The following TNNI3K variants were observed in gnomAD, a reference collection of about 807,000 sequenced individuals.
The protein encoded by TNNI3K is serine/threonine-protein kinase TNNI3K.
In TNNI3K, 140 loss-of-function variants were observed where a neutral mutation model predicts 114.5. That is an observed-to-expected ratio of 1.22 (90% CI 1.07 to 1.41). TNNI3K has a LOEUF of 1.41. Ranked by LOEUF, TNNI3K falls within the 40% of genes most tolerant of loss-of-function variation. The pLI, the probability that TNNI3K is intolerant of heterozygous loss-of-function variation, is 0.00. For missense variants in TNNI3K, 1,125 were observed against 1,007.6 expected, an observed-to-expected ratio of 1.12 and a Z score of -1.58; for synonymous variants, 347 against 347.5, an observed-to-expected ratio of 1.00 and a Z score of 0.02.
At chr1:74,474,746 T>TGTGGGACAATGAATTAA (rs1553150506) in intron 21 of TNNI3K, among the ~76,000 whole-genome samples, 1 of 152,110 alleles carries the variant, frequency 6.6e-6, no homozygotes, top group East Asian at 1.9e-4. Flanking sequence ...TGGCTCCCAG[T>TGTGGGACAATGAATTAA]GTGGGACAAT....
At chr1:74,436,250 C>A in intron 18 of TNNI3K, 118 bp downstream of exon 18, 2 of 1,320,474 alleles carry the variant, frequency 1.5e-6, no homozygotes, top group Non-Finnish European at 1.1e-6. Context: ...ACACTGAACA[C>A]TGACAGCTAT....
At chr1:74,329,478 C>T (rs968901115) in intron 5 of TNNI3K, among the ~76,000 whole-genome samples, 2 of 151,988 alleles carry the variant, frequency 1.3e-5, no homozygotes, top group African/African-American at 4.8e-5. Context: ...TATATTTGGA[C>T]CCATCAGAAA....
At chr1:74,477,904 T>C (rs916437441) in intron 21 of TNNI3K, among the ~76,000 whole-genome samples, 2 of 152,240 alleles carry the variant, frequency 1.3e-5, no homozygotes, top group African/African-American at 4.8e-5. Context: ...TAAGTTCTTA[T>C]TGAAACATTA....
chr1:74,498,820 A>C (rs2100332006), intron 23 of TNNI3K, among the ~76,000 whole-genome samples: 1 of 152,302 alleles, frequency 6.6e-6, no homozygotes, highest in East Asian at 1.9e-4. Context: ...TGAGGAGAAA[A>C]GTGACTACCA....
At chr1:74,467,771 T>G (rs1667740503) in intron 21 of TNNI3K, among the ~76,000 whole-genome samples, 1 of 152,140 alleles carries the variant, frequency 6.6e-6, no homozygotes, top group African/African-American at 2.4e-5. Flanking sequence ...GTATTCCAGA[T>G]TACCCTGGAA....
intron 21 of TNNI3K, chr1:74,480,983 G>T (rs1008182284): frequency 2.9e-6 from 2 of 697,542 alleles, no homozygotes; most frequent in African/African-American, 1.8e-5. Context: ...GGGGAAAAAA[G>T]CACAGACTAG....
intron 23 of TNNI3K, among the ~76,000 whole-genome samples, chr1:74,533,086 G>T (rs1370315039): frequency 6.6e-6 from 1 of 152,162 alleles, no homozygotes; most frequent in East Asian, 1.9e-4. Flanking sequence ...AAACTAAAGA[G>T]CTTCTGCACA....
chr1:74,262,064 T>A (rs1259532642), intron 4 of TNNI3K, among the ~76,000 whole-genome samples: 2 of 152,110 alleles, frequency 1.3e-5, no homozygotes, highest in African/African-American at 4.8e-5. Flanking sequence ...CCTGACTTTT[T>A]TTTTCCTCCT....
At chr1:74,397,458 C>G (rs1664142685) in intron 17 of TNNI3K, among the ~76,000 whole-genome samples, 1 of 152,138 alleles carries the variant, frequency 6.6e-6, no homozygotes, top group African/African-American at 2.4e-5. Context: ...TGGTAGTGAG[C>G]ACCCTACGTT....
chr1:74,474,706 C>T (rs565786515), intron 21 of TNNI3K, among the ~76,000 whole-genome samples: 2 of 152,236 alleles, frequency 1.3e-5, no homozygotes, highest in Admixed American at 1.3e-4. Context: ...CGCCCATGTA[C>T]AGTGGGTAGA....
At position 74,463,427 on chromosome 1, in the gene TNNI3K, C is replaced by T. The variant is rs1407925257; in HGVS notation, c.2012-14C>T. 2 of 1,613,908 alleles carry T rather than the reference C, an allele frequency of 1.2e-6. No individual in the cohort carries two copies. The highest frequency in any genetic ancestry group is 1.7e-5 in the Admixed American group (1 of 60,014). On this transcript the variant is annotated splice_polypyrimidine_tract_variant and intron_variant, in intron 20 of 24. Coordinates refer to ENST00000326637, the MANE Select transcript of TNNI3K (RefSeq NM_015978.3). ...ATGTGAATTTCAAAACTGACATGAC[C>T]ATTTGGTTTGCAGCGGCTGCGGCAG...
At chr1:74,502,061 T>G (rs186913778) in intron 23 of TNNI3K, among the ~76,000 whole-genome samples, 149 of 152,294 alleles carry the variant, frequency 9.8e-4, no homozygotes, top group African/African-American at 3.3e-3. Context: ...CCACCTTGCT[T>G]GGACCCATGA....
intron 23 of TNNI3K, among the ~76,000 whole-genome samples, chr1:74,496,826 G>A (rs994803334): frequency 6.6e-6 from 1 of 152,000 alleles, no homozygotes; most frequent in Non-Finnish European, 1.5e-5. Flanking sequence ...CCTCCCACAG[G>A]GTATGAAATC....
At chr1:74,455,324 G>A (rs1314396232) in intron 20 of TNNI3K, among the ~76,000 whole-genome samples, 2 of 152,176 alleles carry the variant, frequency 1.3e-5, no homozygotes, top group Non-Finnish European at 2.9e-5. Context: ...CCAGCAGAAA[G>A]CTGTATCAGC....
At chr1:74,279,042 A>G (rs1464796063) in intron 5 of TNNI3K, among the ~76,000 whole-genome samples, 1 of 152,184 alleles carries the variant, frequency 6.6e-6, no homozygotes, top group Non-Finnish European at 1.5e-5. Context: ...GTCTATTTTC[A>G]TTATAAATCA....
rs144059969 is a variant in TNNI3K, at chr1:74,525,863, G to A, written c.2352-14371G>A. 7.7e-3 allele frequency among the ~76,000 whole-genome samples: 1,179 copies of A among 152,234 alleles called. 17 individuals are homozygous for A. The highest frequency in any genetic ancestry group is 0.026 in the African/African-American group (1,077 of 41,534). On this transcript the variant is annotated intron_variant, in intron 23 of 24. Coordinates refer to ENST00000326637, the MANE Select transcript of TNNI3K (RefSeq NM_015978.3). ...GCATCACAGCACATCACACCAGAGTGGGGTAAGAACCCCCACATTACTGGC... is the reference window on the plus strand; with the variant it reads ...GCATCACAGCACATCACACCAGAGTAGGGTAAGAACCCCCACATTACTGGC...
In TNNI3K at chr1:74,295,459, C is replaced by A. The variant is rs186407844; in HGVS notation, c.444+23751C>A. Among the ~76,000 whole-genome samples, 451 of 152,234 alleles carry A rather than the reference C, an allele frequency of 3.0e-3. 2 individuals carry two copies. The highest frequency in any genetic ancestry group is 0.011 in the African/African-American group (440 of 41,548). On this transcript the variant is annotated intron_variant, in intron 5 of 24. Coordinates refer to ENST00000326637, the MANE Select transcript of TNNI3K (RefSeq NM_015978.3). ...ATAAAAGAGTTGCTTTAAACTCTCC[C>A]ACTATAATCATGGATATCTATTTTT...
At chr1:74,401,065 T>C (rs1274676104) in intron 17 of TNNI3K, among the ~76,000 whole-genome samples, 1 of 152,212 alleles carries the variant, frequency 6.6e-6, no homozygotes, top group African/African-American at 2.4e-5. Flanking sequence ...AAGTTGACAA[T>C]GAGCCTAATA....
chr1:74,480,398 C>G (rs1368915673), intron 21 of TNNI3K: 12 of 717,486 alleles, frequency 1.7e-5, no homozygotes, highest in African/African-American at 5.2e-5. Flanking sequence ...ATGGAGATCA[C>G]AAGTGCAGCT....
Sources: allele counts gnomAD v4.1 joint callset (sites outside exome capture counted in the v4.1 genomes callset), GRCh38; gene constraint gnomAD v4.1.1; transcripts MANE v1.5; gene names NCBI Gene and HGNC (gene_info 2026-07-23, HGNC 2026-07-21).